Variants in NRXN1 observed in about 807,000 individuals in gnomAD.
The protein encoded by NRXN1 is neurexin-1.
Under a neutral mutation model 150.9 loss-of-function variants are expected in NRXN1, and 39 were observed. The ratio of observed to expected loss-of-function variants is 0.26; its 90% CI spans 0.20 to 0.34. The LOEUF (loss-of-function observed/expected upper bound fraction) is 0.34, where lower values mean the gene tolerates loss of function less well. Among genes scored for constraint, NRXN1 ranks in the 10% least tolerant of loss-of-function variants. The pLI, the probability that NRXN1 is intolerant of heterozygous loss-of-function variation, is 1.00. For missense variants in NRXN1, 1,815 were observed against 1,949.9 expected, an observed-to-expected ratio of 0.93 and a Z score of 1.30; for synonymous variants, 924 against 757.0, an observed-to-expected ratio of 1.22 and a Z score of -3.62.
At chr2:50,103,821 G>C (rs1015397118) in intron 18 of NRXN1, among the ~76,000 whole-genome samples, 2 of 151,896 alleles carry the variant, frequency 1.3e-5, no homozygotes, top group Non-Finnish European at 2.9e-5. Flanking sequence ...AAAGACAGCC[G>C]AAGGAATAAA....
intron 17 of NRXN1, among the ~76,000 whole-genome samples, chr2:50,396,843 A>G (rs1213718684): frequency 6.6e-6 from 1 of 152,162 alleles, no homozygotes; most frequent in Non-Finnish European, 1.5e-5. Flanking sequence ...TATATCTTCC[A>G]GAGCAGGTTT....
intron 12 of NRXN1, among the ~76,000 whole-genome samples, chr2:50,512,525 G>T (rs1337457220): frequency 6.6e-6 from 1 of 152,150 alleles, no homozygotes; most frequent in Non-Finnish European, 1.5e-5. Flanking sequence ...AAGAAAGAAA[G>T]AATAGCATTC....
At chr2:50,768,346 T>C (rs1055752470) in intron 5 of NRXN1, among the ~76,000 whole-genome samples, 1 of 152,236 alleles carries the variant, frequency 6.6e-6, no homozygotes, top group South Asian at 2.1e-4. Context: ...ACTTGCTCTA[T>C]TGTGCAGGCT....
At chr2:50,786,912 A>C (rs1308453218) in intron 5 of NRXN1, among the ~76,000 whole-genome samples, 1 of 152,154 alleles carries the variant, frequency 6.6e-6, no homozygotes, top group African/African-American at 2.4e-5. Context: ...AAAATTCTTC[A>C]TTTGTTTCTG....
chr2:50,890,504 T>C (rs145735415), intron 5 of NRXN1, among the ~76,000 whole-genome samples: 2 of 151,878 alleles, frequency 1.3e-5, no homozygotes, highest in South Asian at 2.1e-4. Context: ...TTTTTTTTAA[T>C]GTGAATCGTT....
At chr2:50,550,917 G>C (rs567373688) in intron 9 of NRXN1, among the ~76,000 whole-genome samples, 91 of 151,816 alleles carry the variant, frequency 6.0e-4, no homozygotes, top group African/African-American at 2.1e-3. Context: ...TCCTGACCTC[G>C]TGATCTGCCT....
At chr2:50,896,312 T>C (rs554270353) in intron 5 of NRXN1, among the ~76,000 whole-genome samples, 7 of 152,290 alleles carry the variant, frequency 4.6e-5, no homozygotes, top group Admixed American at 4.6e-4. Flanking sequence ...ATTGGGAACC[T>C]ACTATGTGTA....
At chr2:50,075,136 G>C (rs1696887620) in intron 19 of NRXN1, among the ~76,000 whole-genome samples, 1 of 152,156 alleles carries the variant, frequency 6.6e-6, no homozygotes, top group South Asian at 2.1e-4. Context: ...ATTAAAATCT[G>C]AAACAGACTC....
intron 19 of NRXN1, among the ~76,000 whole-genome samples, chr2:50,078,921 A>T (rs914624987): frequency 6.6e-6 from 1 of 152,080 alleles, no homozygotes; most frequent in Admixed American, 6.6e-5. Flanking sequence ...TTCTACTGAA[A>T]ACTTTTTCGC....
intron 17 of NRXN1, among the ~76,000 whole-genome samples, chr2:50,460,537 A>G (rs753476841): frequency 6.6e-6 from 1 of 152,104 alleles, no homozygotes; most frequent in Non-Finnish European, 1.5e-5. Flanking sequence ...CAACAATAAT[A>G]TAAAAAGACC....
chr2:50,672,465 G>A (rs1185547173), intron 5 of NRXN1, among the ~76,000 whole-genome samples: 1 of 151,936 alleles, frequency 6.6e-6, no homozygotes, highest in Non-Finnish European at 1.5e-5. Flanking sequence ...TGCTTGATGA[G>A]CTTGATTTGC....
chr2:50,565,888 G>A (rs575439901), intron 8 of NRXN1, among the ~76,000 whole-genome samples: 5 of 152,200 alleles, frequency 3.3e-5, no homozygotes, highest in South Asian at 2.1e-4. Context: ...GCAATGTCCC[G>A]AGTCAGGCTT....
intron 18 of NRXN1, chr2:50,207,482 A>C (rs2062695325): frequency 6.6e-6 from 1 of 152,620 alleles, no homozygotes; most frequent in Non-Finnish European, 1.5e-5. Flanking sequence ...ATATATATTT[A>C]TATATCTTCC....
At chr2:50,467,525 T>C (rs2089020624) in intron 16 of NRXN1, among the ~76,000 whole-genome samples, 1 of 151,540 alleles carries the variant, frequency 6.6e-6, no homozygotes. Flanking sequence ...CTTCTAAACA[T>C]GTACCTTACA....
intron 16 of NRXN1, among the ~76,000 whole-genome samples, chr2:50,468,908 A>G (rs975329657): frequency 6.6e-6 from 1 of 151,686 alleles, no homozygotes; most frequent in Non-Finnish European, 1.5e-5. Context: ...TTATTCCTGT[A>G]GATATAATGG....
chr2:50,321,095 G>A (rs1327522908), intron 17 of NRXN1, among the ~76,000 whole-genome samples: 1 of 152,104 alleles, frequency 6.6e-6, no homozygotes, highest in African/African-American at 2.4e-5. Flanking sequence ...AAGTCCCAAA[G>A]CCAGTAACCA....
At chr2:50,722,477 A>G (rs531302701) in intron 5 of NRXN1, among the ~76,000 whole-genome samples, 1 of 152,314 alleles carries the variant, frequency 6.6e-6, no homozygotes, top group South Asian at 2.1e-4. Context: ...GCAGCAGAAT[A>G]TTTAATGATT....
At chr2:50,522,504 G>A (rs2092815903) in intron 12 of NRXN1, among the ~76,000 whole-genome samples, 1 of 152,010 alleles carries the variant, frequency 6.6e-6, no homozygotes, top group Non-Finnish European at 1.5e-5. Context: ...GAATATCACA[G>A]CATTTTATAT....
At chr2:50,580,676 T>C (rs1416785821) in intron 8 of NRXN1, among the ~76,000 whole-genome samples, 2 of 152,258 alleles carry the variant, frequency 1.3e-5, no homozygotes, top group African/African-American at 2.4e-5. Context: ...CTCAACCCAG[T>C]AGTCAACACA....
Sources: gnomAD v4.1 joint callset for allele counts (sites outside exome capture counted in the v4.1 genomes callset) on GRCh38, gnomAD v4.1.1 for gene constraint, MANE v1.5 for transcripts, NCBI Gene and HGNC (gene_info 2026-07-23, HGNC 2026-07-21) for gene names.